The following GRK3 variants were observed in gnomAD, a reference collection of about 807,000 sequenced individuals.
GRK3 encodes adrenergic, beta, receptor kinase 2.
A neutral mutation model predicts 95.7 loss-of-function variants in GRK3; 54 were observed. That is an observed-to-expected ratio of 0.56 (90% confidence interval 0.45 to 0.71). The LOEUF (loss-of-function observed/expected upper bound fraction) is 0.71. Among genes scored for constraint, GRK3 ranks in the 30% least tolerant of loss-of-function variants. The pLI is 0.00. For missense variants in GRK3, 649 were observed against 851.2 expected (o/e 0.76, Z 2.96); for synonymous variants, 281 against 290.8 (o/e 0.97, Z 0.34).
intron 3 of GRK3, among the ~76,000 whole-genome samples, chr22:25,657,776 ATCTT>A (rs1221561030): frequency 1.3e-5 from 2 of 151,856 alleles, no homozygotes; most frequent in Non-Finnish European, 1.5e-5. Context: ...TTCTACCTCA[ATCTT>A]TCTTTCCTCT....
chr22:25,608,838 T>C (rs2084473093), intron 2 of GRK3, among the ~76,000 whole-genome samples: 1 of 152,218 alleles, frequency 6.6e-6, no homozygotes, highest in South Asian at 2.1e-4. Context: ...CCTATAGAAC[T>C]GTGAGATGAT....
intron 5 of GRK3, among the ~76,000 whole-genome samples, chr22:25,666,814 ATCAT>A (rs1335782800): frequency 1.3e-5 from 2 of 152,262 alleles, no homozygotes; most frequent in African/African-American, 2.4e-5. Flanking sequence ...TTAAATTTGG[ATCAT>A]TCAATGAGCT....
At chr22:25,586,642 G>A (rs1213450875) in intron 1 of GRK3, among the ~76,000 whole-genome samples, 2 of 152,294 alleles carry the variant, frequency 1.3e-5, no homozygotes, top group Non-Finnish European at 2.9e-5. Context: ...CATAGTCTTG[G>A]TGACCCCTGA....
At chr22:25,669,297 T>G (rs2084963020) in intron 6 of GRK3, among the ~76,000 whole-genome samples, 1 of 152,106 alleles carries the variant, frequency 6.6e-6, no homozygotes, top group Non-Finnish European at 1.5e-5. Context: ...CCACCTTCCC[T>G]GAGGTCCAAG....
At chr22:25,665,923 T>C (rs1415749023) in intron 5 of GRK3, among the ~76,000 whole-genome samples, 2 of 152,240 alleles carry the variant, frequency 1.3e-5, no homozygotes, top group Non-Finnish European at 1.5e-5. Context: ...GGGCCCTAGC[T>C]TGTGCTTGAG....
intron 12 of GRK3, among the ~76,000 whole-genome samples, chr22:25,692,236 G>A (rs1474140489): frequency 1.3e-5 from 2 of 152,126 alleles, no homozygotes; most frequent in African/African-American, 4.8e-5. Context: ...CCAAAGTGCT[G>A]GGATTACAGG....
At chr22:25,682,460 G>A (rs546569570) in intron 9 of GRK3, among the ~76,000 whole-genome samples, 2 of 152,242 alleles carry the variant, frequency 1.3e-5, no homozygotes, top group East Asian at 3.9e-4. Flanking sequence ...TTTCTCTGAG[G>A]CAGTCATTTT....
At chr22:25,694,002 G>T (rs938019392) in intron 12 of GRK3, among the ~76,000 whole-genome samples, 4 of 152,036 alleles carry the variant, frequency 2.6e-5, no homozygotes, top group African/African-American at 9.7e-5. Context: ...CGTTGGTCAG[G>T]CTGGTCTCAA....
chr22:25,589,030 C>G (rs564492243), intron 1 of GRK3, among the ~76,000 whole-genome samples: 1 of 152,168 alleles, frequency 6.6e-6, no homozygotes, highest in South Asian at 2.1e-4. Flanking sequence ...CTCAGCCTCC[C>G]GAAGAGCTGA....
At chr22:25,589,840 A>G (rs1418824600) in intron 1 of GRK3, among the ~76,000 whole-genome samples, 1 of 152,202 alleles carries the variant, frequency 6.6e-6, no homozygotes, top group Non-Finnish European at 1.5e-5. Context: ...ATCATGGTGG[A>G]AGGTGAAGGA....
intron 1 of GRK3, chr22:25,581,396 T>C (rs1932095488): frequency 6.6e-6 from 1 of 152,202 alleles, no homozygotes; most frequent in Non-Finnish European, 1.5e-5. Flanking sequence ...TACTATATAA[T>C]TTCTATGACA....
At chr22:25,574,482 C>T (rs976939339) in intron 1 of GRK3, among the ~76,000 whole-genome samples, 5 of 152,114 alleles carry the variant, frequency 3.3e-5, no homozygotes, top group African/African-American at 9.7e-5. Context: ...AGTGAGGTCT[C>T]GTCTCAAAAT....
intron 1 of GRK3, among the ~76,000 whole-genome samples, chr22:25,574,658 G>T (rs1229416607): frequency 3.3e-5 from 5 of 152,170 alleles, no homozygotes; most frequent in South Asian, 2.1e-4. Context: ...TGGTGGCGGG[G>T]TCTATTCTCT....
chr22:25,708,035 C>T (rs1025840919), intron 15 of GRK3, among the ~76,000 whole-genome samples: 3 of 151,958 alleles, frequency 2.0e-5, no homozygotes, highest in African/African-American at 7.3e-5. Context: ...CAGGAGTTTG[C>T]GACCAGCCTG....
chr22:25,656,804 C>G (rs943995474), intron 3 of GRK3, among the ~76,000 whole-genome samples: 1 of 152,146 alleles, frequency 6.6e-6, no homozygotes, highest in Non-Finnish European at 1.5e-5. Context: ...AAAACCTACT[C>G]AAAACTCAGC....
At chr22:25,688,022 G>C (rs534255621) in intron 11 of GRK3, among the ~76,000 whole-genome samples, 1 of 152,138 alleles carries the variant, frequency 6.6e-6, no homozygotes, top group Admixed American at 6.5e-5. Context: ...GGATCACAAG[G>C]TCAGGAGATC....
chr22:25,718,971 CG>C (rs1568942156), intron 19 of GRK3, among the ~76,000 whole-genome samples: 1 of 152,096 alleles, frequency 6.6e-6, no homozygotes, highest in Admixed American at 6.5e-5. Context: ...ATAGCATTTA[CG>C]TTAGAGGTGA....
At chr22:25,644,009 A>G (rs2084761857) in intron 2 of GRK3, among the ~76,000 whole-genome samples, 1 of 152,208 alleles carries the variant, frequency 6.6e-6, no homozygotes, top group Non-Finnish European at 1.5e-5. Context: ...GAAGGAGTAA[A>G]GCATGACCTG....
chr22:25,633,516 G>A (rs965186544), intron 2 of GRK3, among the ~76,000 whole-genome samples: 1 of 151,760 alleles, frequency 6.6e-6, no homozygotes, highest in African/African-American at 2.4e-5. Context: ...TACAAATCAT[G>A]CACATATCTG....
Sources: allele counts gnomAD v4.1 joint callset (sites outside exome capture counted in the v4.1 genomes callset), GRCh38; gene constraint gnomAD v4.1.1; transcripts MANE v1.5; gene names NCBI Gene and HGNC (gene_info 2026-07-23, HGNC 2026-07-21).